PRKAG3: variants seen among roughly 807,000 people sequenced by gnomAD.
The protein encoded by PRKAG3 is 5'-AMP-activated protein kinase subunit gamma-3.
In PRKAG3, 39 loss-of-function variants were observed where a neutral mutation model predicts 56.5. The observed-to-expected ratio is 0.69, with a 90% CI of 0.53 to 0.90. The LOEUF (loss-of-function observed/expected upper bound fraction) is 0.90, where lower values mean the gene tolerates loss of function less well. Among genes scored for constraint, PRKAG3 ranks in the 40% least tolerant of loss-of-function variants. The pLI, the probability that PRKAG3 is intolerant of heterozygous loss-of-function variation, is 0.00. For synonymous variants in PRKAG3, 243 were observed against 250.1 expected, an observed-to-expected ratio of 0.97 and a Z score of 0.27; for missense variants, 628 against 627.5, an observed-to-expected ratio of 1.00 and a Z score of -0.01.
rs887817023 is a variant in PRKAG3 at position 218,827,994 on chromosome 2, C to T, written c.774+10G>A. On this transcript the variant is annotated intron_variant, in intron 6 of 12. Transcript: ENST00000529249. The surrounding 1 kb of genome is among the most constrained non-coding windows in gnomAD (Gnocchi z 5.3). ...CTGGGTGCCCATAAGATTCCCAGCCCACTCCTCACCAGGGGGGACCTGTAG... is the reference window on the plus strand; with the variant it reads ...CTGGGTGCCCATAAGATTCCCAGCCTACTCCTCACCAGGGGGGACCTGTAG... 1 of 1,577,132 alleles carries T rather than the reference C, an allele frequency of 6.3e-7. No individual in the cohort carries two copies. Among genetic ancestry groups the T allele is most frequent in the Non-Finnish European group, 8.6e-7 (1 of 1,160,234 alleles).
chr2:218,828,861 A>C (rs936708330), intron 4 of PRKAG3, among the ~76,000 whole-genome samples: 19 of 152,212 alleles, frequency 1.2e-4, no homozygotes, highest in Non-Finnish European at 2.9e-5. Flanking sequence ...CTCACCTGGC[A>C]CACCAGGGAG....
Position 218,824,363 on chromosome 2 carries a change from C to T in PRKAG3, c.1212G>A (p.Leu404=), listed in dbSNP as rs763233827. 1.7e-5 allele frequency: 27 copies of T among 1,613,966 alleles called. No individual in the cohort carries two copies. In the East Asian group the frequency reaches 5.1e-4, roughly 31 times the overall value. The change falls in exon 12 of 13, where the codon CTG becomes CTA. Residue 404 remains leucine, a synonymous_variant. Transcript: ENST00000529249. ...GGTGGTTGTAGGTTTGCTGGGCAGC[C>T]AGGTGCTGGGGCAGAGAGAGAAGTA...
downstream of PRKAG3, chr2:218,823,042 G>A (rs1943877728): frequency 2.0e-6 from 2 of 980,016 alleles, no homozygotes; most frequent in Non-Finnish European, 2.4e-6. Context: ...GGGAGCACAG[G>A]TAGGGCAAGG....
At chr2:218,829,008 T>C (rs1943979232) in intron 4 of PRKAG3, among the ~76,000 whole-genome samples, 3 of 152,228 alleles carry the variant, frequency 2.0e-5, no homozygotes. Context: ...TGTAGATAAA[T>C]TTTATATTGA....
chr2:218,826,828 C>G (rs956193804), intron 10 of PRKAG3, 100 bp downstream of exon 10: 30 of 1,492,530 alleles, frequency 2.0e-5, no homozygotes, highest in African/African-American at 6.9e-5. Context: ...CTGTACCCCC[C>G]ACAGGGATGG....
At chr2:218,826,235 C>T (rs982171187) in intron 10 of PRKAG3, among the ~76,000 whole-genome samples, 3 of 152,110 alleles carry the variant, frequency 2.0e-5, no homozygotes, top group African/African-American at 7.2e-5. Flanking sequence ...TTCTTTCTAC[C>T]ATTTCTATAC....
At chr2:218,829,643 A>G (rs1417485706) in intron 4 of PRKAG3, among the ~76,000 whole-genome samples, 1 of 152,052 alleles carries the variant, frequency 6.6e-6, no homozygotes, top group African/African-American at 2.4e-5. Flanking sequence ...TGTCTTACAC[A>G]TACTTTGTTC....
At chr2:218,831,265 G>A (rs757821120) in intron 2 of PRKAG3, 71 bp downstream of exon 2, 10 of 1,196,288 alleles carry the variant, frequency 8.4e-6, no homozygotes, top group African/African-American at 1.5e-5. Flanking sequence ...AGGGAATTGG[G>A]GTCCCAGAAA....
chr2:218,828,021 A>G, exon 6 of PRKAG3: 1 of 1,569,952 alleles, frequency 6.4e-7, no homozygotes, highest in Non-Finnish European at 8.6e-7. Flanking sequence ...GACCTGTAGT[A>G]GCGATGCAGC....
exon 3 of PRKAG3, chr2:218,830,790 C>T: frequency 6.2e-7 from 1 of 1,613,204 alleles, no homozygotes; most frequent in Non-Finnish European, 8.5e-7. Flanking sequence ...CGACTTCTGC[C>T]TTGTCCATCT....
chr2:218,823,207 G>T, downstream of PRKAG3: 1 of 326,390 alleles, frequency 3.1e-6, no homozygotes, highest in Non-Finnish European at 4.6e-6. Flanking sequence ...TAGCAAACGT[G>T]TGACCAGGAA....
intron 4 of PRKAG3, 33 bp from the exon 5 acceptor site, chr2:218,828,633 T>G: frequency 6.3e-6 from 10 of 1,586,060 alleles, no homozygotes; most frequent in Non-Finnish European, 8.6e-6. Context: ...CAAGGGTGGG[T>G]CCCGAGAGAC....
In PRKAG3 at chr2:218,830,038, G is replaced by A. The variant is rs763311884; in HGVS notation, c.573C>T (p.His191=). 16 of 1,613,990 alleles carry A rather than the reference G, an allele frequency of 9.9e-6. No homozygotes were observed. The East Asian group carries it at 1.1e-4, about 11-fold the overall frequency. Residue 191 remains histidine (H), a synonymous_variant, in exon 4 of 13, where the codon CAC becomes CAT. Transcript: ENST00000529249. ...TAGTTGCCATGGCATCGTAGCAGGTGTGCTCCTGCATGAAGCGCATGTAGA... is the reference window on the plus strand; with the variant it reads ...TAGTTGCCATGGCATCGTAGCAGGTATGCTCCTGCATGAAGCGCATGTAGA...
chr2:218,828,800 G>A (rs992501535), intron 4 of PRKAG3, among the ~76,000 whole-genome samples, 200 bp from the exon 5 acceptor site: 8 of 152,126 alleles, frequency 5.3e-5, no homozygotes, highest in African/African-American at 1.4e-4. Flanking sequence ...AGACATGATC[G>A]TTGCTGGGGA....
At chr2:218,829,541 C>T (rs1434456607) in intron 4 of PRKAG3, among the ~76,000 whole-genome samples, 23 of 151,580 alleles carry the variant, frequency 1.5e-4, no homozygotes, top group Admixed American at 1.4e-3. Context: ...TTGGTCAGGC[C>T]GGTCTCGAAC....
At chr2:218,830,448 G>T (rs766833297) in intron 3 of PRKAG3, 67 bp from the exon 4 acceptor site, 4 of 1,533,548 alleles carry the variant, frequency 2.6e-6, no homozygotes, top group Non-Finnish European at 3.5e-6. Flanking sequence ...ATCTGCTGTC[G>T]CCATTCATCT....
downstream of PRKAG3, chr2:218,822,756 G>A (rs745409520): frequency 2.6e-6 from 1 of 386,608 alleles, no homozygotes; most frequent in Non-Finnish European, 3.5e-6. Flanking sequence ...TGGAGAGTAG[G>A]AGGGCAGTGG....
intron 12 of PRKAG3, 82 bp from the exon 13 acceptor site, chr2:218,823,960 A>T (rs779498155): frequency 4.9e-5 from 68 of 1,386,388 alleles, no homozygotes; most frequent in Non-Finnish European, 6.8e-5. Context: ...AATCAGGGGA[A>T]ACAACCCAAC....
At chr2:218,828,332 G>A (rs1943967513) in intron 5 of PRKAG3, among the ~76,000 whole-genome samples, 187 bp downstream of exon 5, 1 of 152,208 alleles carries the variant, frequency 6.6e-6, no homozygotes, top group Admixed American at 6.5e-5. Flanking sequence ...CACAGATGGG[G>A]AAATTGAGCC....
Sources: allele counts gnomAD v4.1 joint callset (sites outside exome capture counted in the v4.1 genomes callset), GRCh38; gene constraint gnomAD v4.1.1; non-coding constraint Gnocchi (gnomAD v3.1); transcripts MANE v1.5; gene names NCBI Gene and HGNC (gene_info 2026-07-23, HGNC 2026-07-21).